Variants in TMEFF2 observed in about 807,000 individuals in gnomAD.
TMEFF2 encodes transmembrane protein with EGF like and two follistatin like domains 2.
A neutral mutation model predicts 53.8 loss-of-function variants in TMEFF2; 28 were observed. The observed-to-expected ratio is 0.52, with a 90% CI of 0.39 to 0.71. The LOEUF (loss-of-function observed/expected upper bound fraction) is 0.71. Ranked by LOEUF, TMEFF2 falls within the 30% of genes least tolerant of loss-of-function variation. The pLI is 0.00. For synonymous variants in TMEFF2, 162 were observed against 166.3 expected (o/e 0.97, Z 0.20); for missense variants, 353 against 455.2 (o/e 0.78, Z 2.04).
intron 5 of TMEFF2, chr2:192,037,942 TA>T (rs1311003595): frequency 6.6e-6 from 1 of 152,174 alleles, no homozygotes; most frequent in Non-Finnish European, 1.5e-5. Flanking sequence ...CACCTCAACC[TA>T]CCAACATATA....
intron 1 of TMEFF2, among the ~76,000 whole-genome samples, chr2:192,193,568 C>A (rs1691513558): frequency 6.6e-6 from 1 of 152,176 alleles, no homozygotes; most frequent in Non-Finnish European, 1.5e-5. Context: ...CCTCGGCTCG[C>A]CTACATGGAG....
chr2:192,166,173 T>C (rs1289690158), intron 4 of TMEFF2, among the ~76,000 whole-genome samples: 1 of 152,122 alleles, frequency 6.6e-6, no homozygotes, highest in Non-Finnish European at 1.5e-5. Context: ...AATTTGAATT[T>C]TTCTCCCTTT....
chr2:192,148,793 C>G lies in TMEFF2; in HGVS notation c.439+30875G>C, dbSNP rs147887822. On this transcript the variant is annotated intron_variant, in intron 4 of 9. Transcript: ENST00000272771. The stretch of plus-strand genomic sequence containing the variant: ...AATAAAAACACTGCATTTGTCTAGA[C>G]TTTATTTACGATTCATTTTTGGCAT... Among the ~76,000 whole-genome samples, 115 of 152,138 alleles carry G rather than the reference C, an allele frequency of 7.6e-4. No individual in the cohort carries two copies. In the East Asian group the frequency reaches 0.016, roughly 21 times the overall value.
At chr2:192,007,215 T>C (rs1244039505) in intron 5 of TMEFF2, among the ~76,000 whole-genome samples, 1 of 152,180 alleles carries the variant, frequency 6.6e-6, no homozygotes, top group Non-Finnish European at 1.5e-5. Flanking sequence ...CTCCATGCAA[T>C]GTGTTTGGTG....
At chr2:191,995,642 T>A (rs1251756151) in intron 7 of TMEFF2, among the ~76,000 whole-genome samples, 1 of 152,062 alleles carries the variant, frequency 6.6e-6, no homozygotes, top group African/African-American at 2.4e-5. Flanking sequence ...GTAAATACTA[T>A]TGGAAGCTTG....
At chr2:192,179,749 C>G (rs1037979040) in intron 3 of TMEFF2, 55 bp from the exon 4 acceptor site, 2 of 1,468,076 alleles carry the variant, frequency 1.4e-6, no homozygotes, top group Non-Finnish European at 1.8e-6. Flanking sequence ...ATATTTATGA[C>G]TTTTTAAGCT....
chr2:192,117,278 A>G (rs907930343), intron 4 of TMEFF2, among the ~76,000 whole-genome samples: 17 of 152,188 alleles, frequency 1.1e-4, no homozygotes, highest in African/African-American at 4.1e-4. Context: ...TGAGACCTAT[A>G]ATCAACTCAA....
chr2:192,053,468 TTAA>T (rs398060900), intron 5 of TMEFF2, among the ~76,000 whole-genome samples: 3 of 54,416 alleles, frequency 5.5e-5, no homozygotes, highest in Non-Finnish European at 1.6e-4. Context: ...AGATCAGGAA[TTAA>T]TTTTTCACCT....
At chr2:192,134,310 T>G (rs1272135335) in intron 4 of TMEFF2, among the ~76,000 whole-genome samples, 1 of 152,156 alleles carries the variant, frequency 6.6e-6, no homozygotes, top group Non-Finnish European at 1.5e-5. Context: ...TCCCCATGAC[T>G]GCATCTCTCT....
At chr2:192,045,196 CCTT>C (rs1559100616) in intron 5 of TMEFF2, among the ~76,000 whole-genome samples, 1 of 152,140 alleles carries the variant, frequency 6.6e-6, no homozygotes, top group East Asian at 1.9e-4. Flanking sequence ...GAACTGCAGA[CCTT>C]CTCTGAAACA....
In TMEFF2 at chr2:191,991,680, A is replaced by G. The variant is rs183860870; in HGVS notation, c.745+6582T>C. ...GCACACTTATGGCAGAGAAGAGTAG[A>G]TAAGTAACACTGCAAGGTGAACGAT... On this transcript the variant is annotated intron_variant, in intron 7 of 9. Coordinates refer to ENST00000272771, the MANE Select transcript of TMEFF2 (RefSeq NM_016192.4). Among the ~76,000 whole-genome samples, 22 of 152,238 alleles carry G rather than the reference A, an allele frequency of 1.4e-4. No individual in the cohort carries two copies. The East Asian group carries it at 3.3e-3, about 23-fold the overall frequency.
intron 4 of TMEFF2, among the ~76,000 whole-genome samples, chr2:192,154,970 C>T (rs114751505): frequency 1.0e-3 from 159 of 151,816 alleles, no homozygotes; most frequent in Admixed American, 3.4e-3. Flanking sequence ...GATCTTTATG[C>T]GAAATTTTCA....
At chr2:192,045,735 G>A (rs1363341359) in intron 5 of TMEFF2, among the ~76,000 whole-genome samples, 2 of 152,160 alleles carry the variant, frequency 1.3e-5, no homozygotes, top group Non-Finnish European at 2.9e-5. Context: ...CCAACACCGA[G>A]TCCCTAATAT....
chr2:192,137,434 T>C (rs1690036962), intron 4 of TMEFF2, among the ~76,000 whole-genome samples: 1 of 152,158 alleles, frequency 6.6e-6, no homozygotes, highest in Non-Finnish European at 1.5e-5. Flanking sequence ...GCGGAGAGGA[T>C]GGTTGAAGTA....
chr2:192,123,657 A>G (rs1689611690), intron 4 of TMEFF2, among the ~76,000 whole-genome samples: 1 of 152,236 alleles, frequency 6.6e-6, no homozygotes, highest in Non-Finnish European at 1.5e-5. Context: ...CTTAATGTAA[A>G]GTTTCAACAT....
chr2:192,066,539 G>C (rs1688173320), intron 4 of TMEFF2, among the ~76,000 whole-genome samples: 1 of 151,816 alleles, frequency 6.6e-6, no homozygotes, highest in Admixed American at 6.6e-5. Flanking sequence ...AATTAAGCTA[G>C]TTTGCTAGAG....
At chr2:192,160,616 G>A (rs1297514710) in intron 4 of TMEFF2, among the ~76,000 whole-genome samples, 1 of 152,128 alleles carries the variant, frequency 6.6e-6, no homozygotes, top group African/African-American at 2.4e-5. Flanking sequence ...CATGGGGAGA[G>A]ACTGATCTAA....
At chr2:192,153,117 T>C (rs576447517) in intron 4 of TMEFF2, among the ~76,000 whole-genome samples, 1 of 151,642 alleles carries the variant, frequency 6.6e-6, no homozygotes, top group African/African-American at 2.4e-5. Context: ...TTAAGAATTA[T>C]TACTCTTTTT....
chr2:192,069,988 GTATATATATATATATATA>G lies in TMEFF2; in HGVS notation c.440-12231_440-12214del, dbSNP rs55800219. On this transcript the variant is annotated intron_variant, in intron 4 of 9. Coordinates refer to ENST00000272771, the MANE Select transcript of TMEFF2 (RefSeq NM_016192.4). ...AATGTGTGTGTGTGTGTGTGTGTGT[GTATATATATATATATATA>G]TATATATATATATATATATATATAT... Among the ~76,000 whole-genome samples the G allele has an allele frequency of 2.0e-3, 233 of 118,812 alleles. 1 individual carries two copies. The highest frequency in any genetic ancestry group is 5.6e-3 in the African/African-American group (167 of 29,820). 77.9% of individuals were successfully genotyped at this position (118,812 alleles called of 152,430 possible).
Sources: gnomAD v4.1 joint callset for allele counts (sites outside exome capture counted in the v4.1 genomes callset) on GRCh38, gnomAD v4.1.1 for gene constraint, MANE v1.5 for transcripts, NCBI Gene and HGNC (gene_info 2026-07-23, HGNC 2026-07-21) for gene names.